PRKCE: variants seen among roughly 807,000 people sequenced by gnomAD.
The protein encoded by PRKCE is protein kinase C epsilon, also known as protein kinase C epsilon type.
A neutral mutation model predicts 85.4 loss-of-function variants in PRKCE; 16 were observed. The ratio of observed to expected loss-of-function variants is 0.19; its 90% CI spans 0.13 to 0.28. The LOEUF (loss-of-function observed/expected upper bound fraction) is 0.28, where lower values mean the gene tolerates loss of function less well. Among genes scored for constraint, PRKCE ranks in the 10% least tolerant of loss-of-function variants. The probability of loss-of-function intolerance (pLI) is 1.00; values close to 1 mark genes in which losing one functional copy is unlikely to be tolerated. For missense variants in PRKCE, 573 were observed against 975.2 expected, an observed-to-expected ratio of 0.59 and a Z score of 5.49; for synonymous variants, 388 against 371.5, an observed-to-expected ratio of 1.04 and a Z score of -0.51.
intron 1 of PRKCE, among the ~76,000 whole-genome samples, chr2:45,689,152 G>A (rs1416224435): frequency 6.6e-6 from 1 of 152,174 alleles, no homozygotes; most frequent in Admixed American, 6.5e-5. Flanking sequence ...AGAAGGGAGG[G>A]ACTTAAGCAC....
intron 1 of PRKCE, among the ~76,000 whole-genome samples, chr2:45,660,172 A>G (rs975096635): frequency 6.6e-6 from 1 of 152,214 alleles, no homozygotes; most frequent in African/African-American, 2.4e-5. Context: ...GTGTATGTGT[A>G]GTTCCTGCCT....
At chr2:45,957,352 A>G (rs911800476) in intron 2 of PRKCE, among the ~76,000 whole-genome samples, 2 of 152,366 alleles carry the variant, frequency 1.3e-5, no homozygotes, top group East Asian at 1.9e-4. Flanking sequence ...TTGTCCAAGC[A>G]CCACTTGTTG....
intron 10 of PRKCE, among the ~76,000 whole-genome samples, chr2:46,023,128 T>A (rs917047035): frequency 6.8e-6 from 1 of 147,926 alleles, no homozygotes; most frequent in African/African-American, 2.5e-5. Context: ...TATAGATAGA[T>A]CCCAAGCTGA....
chr2:45,729,325 A>T (rs1262297692), intron 1 of PRKCE, among the ~76,000 whole-genome samples: 1 of 152,180 alleles, frequency 6.6e-6, no homozygotes, highest in African/African-American at 2.4e-5. Flanking sequence ...GTGCCATGAA[A>T]GCCATCCTCA....
At chr2:45,904,142 G>A (rs1696795060) in intron 2 of PRKCE, among the ~76,000 whole-genome samples, 1 of 152,090 alleles carries the variant, frequency 6.6e-6, no homozygotes, top group Admixed American at 6.5e-5. Context: ...GATCTCAAGT[G>A]ATCTGCCCTC....
At chr2:46,074,939 CAAG>C (rs1668422912) in intron 10 of PRKCE, among the ~76,000 whole-genome samples, 1 of 152,182 alleles carries the variant, frequency 6.6e-6, no homozygotes, top group South Asian at 2.1e-4. Context: ...CCTGAGCTCA[CAAG>C]AAGAGCATTG....
intron 1 of PRKCE, among the ~76,000 whole-genome samples, chr2:45,745,841 C>T (rs547592207): frequency 2.6e-4 from 40 of 152,154 alleles, no homozygotes; most frequent in Admixed American, 3.9e-4. Flanking sequence ...TGTTCAGCAT[C>T]GAATTTCTTT....
intron 2 of PRKCE, among the ~76,000 whole-genome samples, chr2:45,861,956 T>G (rs1376565129): frequency 1.3e-5 from 2 of 152,160 alleles, no homozygotes; most frequent in African/African-American, 4.8e-5. Context: ...ATCCCATTTG[T>G]GTGAAAATGA....
intron 2 of PRKCE, among the ~76,000 whole-genome samples, chr2:45,951,623 G>A (rs1700628053): frequency 6.6e-6 from 1 of 152,212 alleles, no homozygotes; most frequent in Non-Finnish European, 1.5e-5. Context: ...CTCACAAAAT[G>A]AGGGCCCCAG....
intron 10 of PRKCE, among the ~76,000 whole-genome samples, chr2:46,028,357 T>C (rs1468562159): frequency 2.0e-5 from 3 of 152,260 alleles, no homozygotes; most frequent in Admixed American, 6.5e-5. Flanking sequence ...GCAACATGTT[T>C]TTAAACCATG....
intron 1 of PRKCE, among the ~76,000 whole-genome samples, chr2:45,750,971 C>T (rs1373735287): frequency 1.3e-5 from 2 of 152,194 alleles, no homozygotes; most frequent in African/African-American, 4.8e-5. Flanking sequence ...CTTCTGCTAG[C>T]TTTGTGTTTA....
intron 2 of PRKCE, among the ~76,000 whole-genome samples, chr2:45,924,954 G>A (rs1698503632): frequency 6.6e-6 from 1 of 152,184 alleles, no homozygotes; most frequent in African/African-American, 2.4e-5. Flanking sequence ...ACAGCTCTGA[G>A]TGCAGGGGAC....
intron 2 of PRKCE, among the ~76,000 whole-genome samples, chr2:45,955,956 T>C (rs1700949305): frequency 6.6e-6 from 1 of 152,240 alleles, no homozygotes; most frequent in Admixed American, 6.5e-5. Flanking sequence ...CTTTCCCCTT[T>C]CATAGTCAAG....
Position 46,184,998 on chromosome 2 carries a change from T to A in PRKCE, c.*117T>A. 7.3e-7 allele frequency: 1 copy of A among 1,367,864 alleles called. No homozygotes were observed. Among genetic ancestry groups the A allele is most frequent in the Non-Finnish European group, 1.0e-6 (1 of 1,004,356 alleles). The allele number at this position is 1,367,864 out of a possible 1,614,324, so 84.7% of individuals were successfully genotyped here. A position where few individuals can be genotyped will look rare whatever the true frequency, so the allele number is the denominator to read the frequency against. On this transcript the variant is annotated 3_prime_UTR_variant, in exon 15 of 15. Transcript: ENST00000306156. This position sits in a 1 kb window ranked among gnomAD's most constrained non-coding sequence, Gnocchi z 5.0. ...TCTCCTCCTCGGAGCCCCAGTCCCA[T>A]GTCCACTGTCTATTTATTGCATTCC...
chr2:45,800,462 C>T (rs1035736724), intron 1 of PRKCE, among the ~76,000 whole-genome samples: 3 of 152,210 alleles, frequency 2.0e-5, no homozygotes, highest in African/African-American at 7.2e-5. Flanking sequence ...ACCTGTGGCA[C>T]CTGGCAGGTG....
At chr2:45,727,818 C>T (rs1681213436) in intron 1 of PRKCE, among the ~76,000 whole-genome samples, 1 of 152,108 alleles carries the variant, frequency 6.6e-6, no homozygotes, top group African/African-American at 2.4e-5. Flanking sequence ...CCACACCCAG[C>T]TAATTTTTGT....
intron 2 of PRKCE, among the ~76,000 whole-genome samples, chr2:45,939,696 A>T (rs1020384433): frequency 6.6e-6 from 1 of 152,180 alleles, no homozygotes; most frequent in African/African-American, 2.4e-5. Flanking sequence ...CTGGGACTAC[A>T]GGTGCGTGCC....
rs115605268 is a variant in PRKCE, at chr2:45,856,167, A to C, written c.412+13104A>C. ...CTGGGGTTTCAATGCATGTGTACAT[A>C]GTATAGTGATCAACTCAAGGCAATT... On this transcript the variant is annotated intron_variant, in intron 2 of 14. Coordinates refer to ENST00000306156, the MANE Select transcript of PRKCE (RefSeq NM_005400.3). Among the ~76,000 whole-genome samples the C allele has an allele frequency of 2.6e-3, 393 of 152,298 alleles. 3 individuals carry two copies. Among genetic ancestry groups the C allele is most frequent in the African/African-American group, 9.3e-3 (386 of 41,552 alleles).
At chr2:45,931,792 C>T (rs554139575) in intron 2 of PRKCE, among the ~76,000 whole-genome samples, 214 of 152,176 alleles carry the variant, frequency 1.4e-3, no homozygotes, top group Middle Eastern at 3.4e-3. Flanking sequence ...CTGCAGCCTT[C>T]GCCTCCCGGG....
Sources: allele counts gnomAD v4.1 joint callset (sites outside exome capture counted in the v4.1 genomes callset), GRCh38; gene constraint gnomAD v4.1.1; non-coding constraint Gnocchi (gnomAD v3.1); transcripts MANE v1.5; gene names NCBI Gene and HGNC (gene_info 2026-07-23, HGNC 2026-07-21).